TP63: variants seen among roughly 807,000 people sequenced by gnomAD.
TP63 encodes tumor protein 63.
TP63 carries 17 observed loss-of-function variants against 82.8 expected under a neutral mutation model. The ratio of observed to expected loss-of-function variants is 0.21; its 90% CI spans 0.14 to 0.31. TP63 has a LOEUF of 0.31. Ranked by LOEUF, TP63 falls within the 10% of genes least tolerant of loss-of-function variation. The pLI is 1.00. For synonymous variants in TP63, 330 were observed against 321.7 expected (o/e 1.03, Z -0.28); for missense variants, 648 against 895.3 (o/e 0.72, Z 3.52).
At chr3:189,892,124 C>T (rs1721085261) in intron 13 of TP63, among the ~76,000 whole-genome samples, 1 of 152,160 alleles carries the variant, frequency 6.6e-6, no homozygotes, top group Non-Finnish European at 1.5e-5. Context: ...ACAGTCACTT[C>T]CGTCCACTGA....
chr3:189,847,589 T>C lies in TP63; in HGVS notation c.580-16643T>C, dbSNP rs184607761. 2.0e-5 allele frequency among the ~76,000 whole-genome samples: 3 copies of C among 152,294 alleles called. No individual in the cohort carries two copies. The South Asian group carries it at 6.2e-4, about 32-fold the overall frequency. ...ATTTCCCCCCACCCATCACAGTATT[T>C]TATTTCTGATTTCACTTAGATTTGC... On this transcript the variant is annotated intron_variant, in intron 4 of 13. Coordinates refer to ENST00000264731, the MANE Select transcript of TP63 (RefSeq NM_003722.5).
intron 4 of TP63, among the ~76,000 whole-genome samples, chr3:189,849,222 A>C (rs1715325937): frequency 6.6e-6 from 1 of 152,202 alleles, no homozygotes. Context: ...ATCCTTTATA[A>C]TAAACCAGTA....
chr3:189,675,893 C>G (rs1233433881), intron 1 of TP63, among the ~76,000 whole-genome samples: 9 of 151,994 alleles, frequency 5.9e-5, no homozygotes, highest in Admixed American at 5.9e-4. Flanking sequence ...TTCTGAGGAA[C>G]AGAATAAGCA....
rs538258711 is a variant in TP63 at position 189,846,525 on chromosome 3, A to G, written c.580-17707A>G. On this transcript the variant is annotated intron_variant, in intron 4 of 13. Coordinates refer to ENST00000264731, the MANE Select transcript of TP63 (RefSeq NM_003722.5). Reference sequence around the variant, plus strand: ...CTTCCTGGGAATGAACAAACTATTGAATATATGTACAGTATGTATACAGAA... The same window carrying G: ...CTTCCTGGGAATGAACAAACTATTGGATATATGTACAGTATGTATACAGAA... Among the ~76,000 whole-genome samples, 5 of 152,182 alleles carry G rather than the reference A, an allele frequency of 3.3e-5. No individual in the cohort carries two copies. In the East Asian group the frequency reaches 9.7e-4, roughly 29 times the overall value.
At chr3:189,716,307 G>A (rs1046434577) in intron 1 of TP63, among the ~76,000 whole-genome samples, 1 of 151,988 alleles carries the variant, frequency 6.6e-6, no homozygotes, top group Non-Finnish European at 1.5e-5. Context: ...AAACCCCAGG[G>A]GATAGCATAT....
intron 13 of TP63, among the ~76,000 whole-genome samples, chr3:189,893,938 T>C (rs1375840907): frequency 6.6e-6 from 1 of 152,112 alleles, no homozygotes; most frequent in Non-Finnish European, 1.5e-5. Context: ...CATCTAGCTA[T>C]TATCCCAATT....
intron 1 of TP63, among the ~76,000 whole-genome samples, chr3:189,730,361 C>T (rs183097712): frequency 1.3e-5 from 2 of 152,116 alleles, no homozygotes; most frequent in Non-Finnish European, 2.9e-5. Flanking sequence ...ATTTTCTGGT[C>T]ATATCGTGGA....
intron 4 of TP63, among the ~76,000 whole-genome samples, chr3:189,834,874 A>T (rs945623880): frequency 6.8e-6 from 1 of 146,240 alleles, no homozygotes; most frequent in African/African-American, 2.5e-5. Context: ...TGTTGATTTC[A>T]TATGGTTTTT....
intron 3 of TP63, among the ~76,000 whole-genome samples, chr3:189,787,776 G>A (rs1724729912): frequency 1.3e-5 from 2 of 152,050 alleles, no homozygotes; most frequent in South Asian, 4.1e-4. Flanking sequence ...TGTGCTAACA[G>A]CATTTCCTCT....
chr3:189,622,698 G>T, the TP63 span, among the ~76,000 whole-genome samples: 4 of 152,174 alleles, frequency 2.6e-5, no homozygotes, highest in Non-Finnish European at 5.9e-5. Flanking sequence ...GGATGAATTG[G>T]GTTTGGGAGT....
At chr3:189,694,379 G>A (rs1034993519) in intron 1 of TP63, among the ~76,000 whole-genome samples, 3 of 152,006 alleles carry the variant, frequency 2.0e-5, no homozygotes, top group African/African-American at 7.2e-5. Context: ...TCACCTAAGT[G>A]TATTTTGCTG....
intron 13 of TP63, 31 bp downstream of exon 13, chr3:189,890,913 T>C: frequency 6.2e-7 from 1 of 1,600,912 alleles, no homozygotes; most frequent in Non-Finnish European, 8.6e-7. Context: ...TCTCAAATTT[T>C]ATTTCTTCAT....
chr3:189,775,789 C>A (rs1297130113), intron 3 of TP63, among the ~76,000 whole-genome samples: 2 of 152,112 alleles, frequency 1.3e-5, no homozygotes, highest in African/African-American at 4.8e-5. Flanking sequence ...GTAATAGTCA[C>A]CAACATTTAA....
chr3:189,767,954 T>C (rs537795111), intron 3 of TP63, among the ~76,000 whole-genome samples: 3 of 152,284 alleles, frequency 2.0e-5, no homozygotes, highest in African/African-American at 7.2e-5. Flanking sequence ...TATTTGATAT[T>C]TAATCCAGGA....
chr3:189,846,245 G>A (rs1577090876), intron 4 of TP63, among the ~76,000 whole-genome samples: 1 of 151,976 alleles, frequency 6.6e-6, no homozygotes, highest in Non-Finnish European at 1.5e-5. Flanking sequence ...CTCACCCCTC[G>A]ATATTCCAAA....
the TP63 span, among the ~76,000 whole-genome samples, chr3:189,605,054 C>A: frequency 1.3e-5 from 2 of 152,142 alleles, no homozygotes; most frequent in Non-Finnish European, 2.9e-5. Context: ...TCTCAGAGCT[C>A]TCTTGTGGCT....
At chr3:189,683,351 T>C (rs1298830461) in intron 1 of TP63, among the ~76,000 whole-genome samples, 1 of 152,210 alleles carries the variant, frequency 6.6e-6, no homozygotes, top group African/African-American at 2.4e-5. Flanking sequence ...CCAAGGCTTA[T>C]GTCAGTATGT....
intron 3 of TP63, among the ~76,000 whole-genome samples, chr3:189,745,400 G>C (rs1344588655): frequency 6.6e-6 from 1 of 152,056 alleles, no homozygotes; most frequent in Non-Finnish European, 1.5e-5. Context: ...TTACCAAAGA[G>C]ATAGATATCA....
chr3:189,824,443 G>A (rs1202319724), intron 4 of TP63, among the ~76,000 whole-genome samples: 1 of 151,972 alleles, frequency 6.6e-6, no homozygotes, highest in Non-Finnish European at 1.5e-5. Context: ...ATGTTGGCCA[G>A]GCTGGTCTTG....
Sources: allele counts gnomAD v4.1 joint callset (sites outside exome capture counted in the v4.1 genomes callset), GRCh38; gene constraint gnomAD v4.1.1; transcripts MANE v1.5; gene names NCBI Gene and HGNC (gene_info 2026-07-23, HGNC 2026-07-21).